TMED3: variants seen among roughly 807,000 people sequenced by gnomAD.
The protein encoded by TMED3 is transmembrane p24 trafficking protein 3.
Under a neutral mutation model 15.0 loss-of-function variants are expected in TMED3, and 9 were observed. That is an observed-to-expected ratio of 0.60 (90% CI 0.36 to 1.04). The LOEUF (loss-of-function observed/expected upper bound fraction) is 1.04. Ranked by LOEUF, TMED3 falls within the 50% of genes least tolerant of loss-of-function variation. The pLI, the probability that TMED3 is intolerant of heterozygous loss-of-function variation, is 0.01. For synonymous variants in TMED3, 117 were observed against 121.4 expected (o/e 0.96, Z 0.24); for missense variants, 267 against 278.9 (o/e 0.96, Z 0.30).
At chr15:79,385,671 G>A (rs34496573) in intron 2 of TMED3, among the ~76,000 whole-genome samples, 17,140 of 152,150 alleles carry the variant, frequency 0.11, 1,150 homozygotes, top group East Asian at 0.2. Flanking sequence ...TGGCAACCTC[G>A]AAGAGCACAG....
intron 2 of TMED3, among the ~76,000 whole-genome samples, chr15:79,379,976 T>C (rs926167775): frequency 3.3e-5 from 5 of 152,198 alleles, no homozygotes; most frequent in African/African-American, 9.7e-5. Context: ...CAAAAGGTTT[T>C]TATCTGCAGG....
chr15:79,353,395 T>A (rs1484655680), intron 2 of TMED3, among the ~76,000 whole-genome samples: 1 of 129,244 alleles, frequency 7.7e-6, no homozygotes, highest in Admixed American at 9.4e-5. Context: ...ATTTTGTGTC[T>A]TTCAAAAAAT....
At position 79,322,656 on chromosome 15, in the gene TMED3, G is replaced by A. The variant is rs1216811052; in HGVS notation, c.*442G>A. 1.0e-6 allele frequency: 1 copy of A among 990,032 alleles called. No individual in the cohort carries two copies. The highest frequency in any genetic ancestry group is 1.7e-5 in the African/African-American group (1 of 57,420). The allele number at this position is 990,032 out of a possible 1,614,324, so 61.3% of individuals were successfully genotyped here. A position where few individuals can be genotyped will look rare whatever the true frequency, so the allele number is the denominator to read the frequency against. Reference sequence around the variant, plus strand: ...AAGTTCTGGCTCTTCTTTCTTTGGGGTTCTCTGTACCTGAGGAAACCAGGC... The same window carrying A: ...AAGTTCTGGCTCTTCTTTCTTTGGGATTCTCTGTACCTGAGGAAACCAGGC... On this transcript the variant is annotated 3_prime_UTR_variant, in exon 3 of 3. Coordinates refer to ENST00000299705, the MANE Select transcript of TMED3 (RefSeq NM_007364.4).
chr15:79,315,750 A>G (rs971372968), intron 2 of TMED3, among the ~76,000 whole-genome samples: 6 of 152,194 alleles, frequency 3.9e-5, no homozygotes, highest in African/African-American at 1.4e-4. Context: ...TTACCCCGCC[A>G]CCTTGAACCA....
intron 2 of TMED3, among the ~76,000 whole-genome samples, chr15:79,401,464 G>GA (rs1893832847): frequency 6.6e-6 from 1 of 152,210 alleles, no homozygotes; most frequent in Non-Finnish European, 1.5e-5. Context: ...GCCCCCAGGG[G>GA]ACATTTGGCA....
chr15:79,380,535 G>A (rs186304129), intron 2 of TMED3, among the ~76,000 whole-genome samples: 4 of 145,804 alleles, frequency 2.7e-5, no homozygotes, highest in Non-Finnish European at 6.0e-5. Context: ...TTATATATAT[G>A]TAGTTATATA....
Position 79,322,075 on chromosome 15 carries a change from C to A in TMED3, c.515C>A (p.Ala172Glu), listed in dbSNP as rs560318448. 3 of 1,614,054 alleles carry A rather than the reference C, an allele frequency of 1.9e-6. No individual in the cohort carries two copies. The highest frequency in any genetic ancestry group is 2.5e-6 in the Non-Finnish European group (3 of 1,180,038). Residue 172 changes from alanine to glutamate, a missense_variant, in exon 3 of 3, where the codon GCA (alanine) becomes GAA (glutamate). Transcript: ENST00000299705. ...CGGGAGGCCCAGGACCGGGCCCGAG[C>A]AGAAGACCTTAATAGCCGAGTCTCT... The part of the protein sequence containing the change: ...RLREAQDRAR[A>E]EDLNSRVSYW...
chr15:79,373,092 G>T (rs2141245950), intron 2 of TMED3, among the ~76,000 whole-genome samples: 1 of 152,272 alleles, frequency 6.6e-6, no homozygotes. Flanking sequence ...GGTTTTAGCA[G>T]ATTCTGTTTT....
intron 2 of TMED3, among the ~76,000 whole-genome samples, chr15:79,374,477 T>C (rs548851752): frequency 1.3e-5 from 2 of 152,318 alleles, no homozygotes; most frequent in Admixed American, 6.5e-5. Context: ...ATTTTATTTT[T>C]TGGTTTATGT....
At chr15:79,398,899 GTTTT>G (rs1233130174) in intron 2 of TMED3, among the ~76,000 whole-genome samples, 1 of 152,116 alleles carries the variant, frequency 6.6e-6, no homozygotes, top group Non-Finnish European at 1.5e-5. Context: ...CAATTTAAAT[GTTTT>G]TTGTTTGTTT....
chr15:79,316,184 A>G (rs1451449142), intron 2 of TMED3, among the ~76,000 whole-genome samples: 1 of 152,254 alleles, frequency 6.6e-6, no homozygotes, highest in African/African-American at 2.4e-5. Flanking sequence ...GAAAGTAAGT[A>G]TTAGGTGAAA....
chr15:79,360,115 G>A lies in TMED3; in HGVS notation c.417+46110G>A, dbSNP rs142744568. 1.0e-3 allele frequency among the ~76,000 whole-genome samples: 152 copies of A among 152,298 alleles called. 1 individual carries two copies. The highest frequency in any genetic ancestry group is 2.7e-3 in the South Asian group (13 of 4,822). On this transcript the variant is annotated intron_variant, in intron 2 of 2. Coordinates refer to the TMED3 transcript ENST00000424155. ...ATCTGGGGCCATGGACAGGCACAGCGGGTCAGTGAGAGGGCAGGTAGCCAT... is the reference window on the plus strand; with the variant it reads ...ATCTGGGGCCATGGACAGGCACAGCAGGTCAGTGAGAGGGCAGGTAGCCAT...
At chr15:79,395,885 T>C (rs1893756548) in intron 2 of TMED3, among the ~76,000 whole-genome samples, 1 of 152,248 alleles carries the variant, frequency 6.6e-6, no homozygotes, top group African/African-American at 2.4e-5. Context: ...AATAACATTT[T>C]GGATGGATAC....
At chr15:79,388,260 G>A (rs889046226) in intron 2 of TMED3, among the ~76,000 whole-genome samples, 9 of 152,094 alleles carry the variant, frequency 5.9e-5, no homozygotes, top group African/African-American at 2.2e-4. Context: ...TTAGACAATA[G>A]GGAAGTAATA....
intron 2 of TMED3, among the ~76,000 whole-genome samples, chr15:79,343,166 A>T (rs943452429): frequency 1.3e-5 from 2 of 152,214 alleles, no homozygotes. Flanking sequence ...CAAGGTACCC[A>T]GGAGCCAGCT....
intron 2 of TMED3, among the ~76,000 whole-genome samples, chr15:79,337,336 G>A (rs1458449446): frequency 4.6e-5 from 7 of 152,126 alleles, no homozygotes; most frequent in Non-Finnish European, 1.0e-4. Context: ...TGTTGGGTTA[G>A]GGCTCACTGT....
chr15:79,400,902 C>A (rs1248937489), intron 2 of TMED3, among the ~76,000 whole-genome samples: 1 of 152,174 alleles, frequency 6.6e-6, no homozygotes, highest in Non-Finnish European at 1.5e-5. Flanking sequence ...GCATACATTG[C>A]CTTCACTCTT....
chr15:79,340,945 G>C (rs1203195964), intron 2 of TMED3, among the ~76,000 whole-genome samples: 2 of 152,168 alleles, frequency 1.3e-5, no homozygotes, highest in Admixed American at 1.3e-4. Flanking sequence ...TGCAATCCCA[G>C]CACTTTGGGA....
chr15:79,353,154 T>C (rs186515140), intron 2 of TMED3, among the ~76,000 whole-genome samples: 2 of 70,148 alleles, frequency 2.9e-5, no homozygotes, highest in Non-Finnish European at 4.8e-5. Flanking sequence ...ATATATAAAA[T>C]ATATATAAAT....
Sources: allele counts gnomAD v4.1 joint callset (sites outside exome capture counted in the v4.1 genomes callset), GRCh38; gene constraint gnomAD v4.1.1; transcripts MANE v1.5; gene names NCBI Gene and HGNC (gene_info 2026-07-23, HGNC 2026-07-21).